RGS6: variants seen among roughly 807,000 people sequenced by gnomAD.
The protein encoded by RGS6 is regulator of G-protein signaling 6.
RGS6 carries 30 observed loss-of-function variants against 78.5 expected under a neutral mutation model. The ratio of observed to expected loss-of-function variants is 0.38; its 90% CI spans 0.29 to 0.52. The LOEUF is 0.52. RGS6 is among the 20% of genes least tolerant of loss of function. The probability of loss-of-function intolerance (pLI) is 0.85; values close to 1 mark genes in which losing one functional copy is unlikely to be tolerated. For synonymous variants in RGS6, 206 were observed against 206.0 expected, an observed-to-expected ratio of 1.00 and a Z score of 0.00; for missense variants, 495 against 609.7, an observed-to-expected ratio of 0.81 and a Z score of 1.98.
In RGS6 at chr14:72,393,200, C is replaced by T. The variant is rs565064361; in HGVS notation, c.184+41006C>T. 9.9e-5 allele frequency among the ~76,000 whole-genome samples: 15 copies of T among 152,258 alleles called. No individual in the cohort carries two copies. The South Asian group carries it at 1.5e-3, about 15-fold the overall frequency. ...CATGAAGATCTGACACATTTTTGTC[C>T]GCACTTTTCTCAGAGTGTTGGGGAA... is the stretch of plus-strand genomic sequence containing the variant. On this transcript the variant is annotated intron_variant, in intron 3 of 17. Transcript: ENST00000553525.
intron 2 of RGS6, among the ~76,000 whole-genome samples, chr14:72,075,872 A>G (rs538781080): frequency 9.9e-4 from 150 of 152,258 alleles, no homozygotes; most frequent in Non-Finnish European, 1.7e-3. Context: ...AAACCTCATC[A>G]GTTGTCTCTA....
chr14:72,548,348 C>CGTGTGTGT (rs59943776), intron 17 of RGS6, among the ~76,000 whole-genome samples: 1 of 129,464 alleles, frequency 7.7e-6, no homozygotes, highest in African/African-American at 3.1e-5. Context: ...TGTGTGCGCG[C>CGTGTGTGT]GTGTGTGTGT....
chr14:71,903,822 G>T, the RGS6 span, among the ~76,000 whole-genome samples: 1 of 152,142 alleles, frequency 6.6e-6, no homozygotes, highest in African/African-American at 2.4e-5. Flanking sequence ...AGAAAAATTA[G>T]GTAAGAAAAG....
chr14:71,914,442 A>AT, the RGS6 span, among the ~76,000 whole-genome samples: 2 of 152,120 alleles, frequency 1.3e-5, no homozygotes, highest in African/African-American at 4.8e-5. Context: ...TTTCCTAGAG[A>AT]TTTTTCATGG....
intron 2 of RGS6, among the ~76,000 whole-genome samples, chr14:72,116,295 T>C (rs976074486): frequency 1.3e-5 from 2 of 152,128 alleles, no homozygotes; most frequent in African/African-American, 2.4e-5. Context: ...GCATCTACCA[T>C]GTGGCAGGTA....
intron 2 of RGS6, among the ~76,000 whole-genome samples, chr14:72,046,035 G>T (rs369824341): frequency 1.3e-5 from 2 of 151,970 alleles, no homozygotes; most frequent in Non-Finnish European, 2.9e-5. Flanking sequence ...AGTCCTCAGA[G>T]GTCTTCTTGA....
intron 13 of RGS6, among the ~76,000 whole-genome samples, chr14:72,504,372 CA>C (rs1324552061): frequency 6.6e-6 from 1 of 152,228 alleles, no homozygotes; most frequent in Non-Finnish European, 1.5e-5. Context: ...GCACCTTCAA[CA>C]CATTGCTTAG....
At chr14:72,432,679 G>A (rs950627132) in intron 3 of RGS6, among the ~76,000 whole-genome samples, 3 of 152,228 alleles carry the variant, frequency 2.0e-5, no homozygotes, top group Non-Finnish European at 4.4e-5. Context: ...CAGAAGAAGG[G>A]TCTTCATCTC....
At chr14:72,432,350 C>T (rs1199348915) in intron 3 of RGS6, among the ~76,000 whole-genome samples, 2 of 152,056 alleles carry the variant, frequency 1.3e-5, no homozygotes, top group African/African-American at 4.8e-5. Context: ...CTACATGATC[C>T]AAAAAAGTGA....
chr14:72,011,527 A>G (rs2153229660), intron 2 of RGS6, among the ~76,000 whole-genome samples: 1 of 152,230 alleles, frequency 6.6e-6, no homozygotes, highest in South Asian at 2.1e-4. Flanking sequence ...TCCAACAAAA[A>G]CCCAGGAGAT....
intron 2 of RGS6, among the ~76,000 whole-genome samples, chr14:72,274,696 G>C (rs750256532): frequency 6.6e-6 from 1 of 152,226 alleles, no homozygotes; most frequent in African/African-American, 2.4e-5. Context: ...CAGAGAAGAA[G>C]TTGTAATGAT....
chr14:72,267,664 T>A (rs927321114), intron 2 of RGS6, among the ~76,000 whole-genome samples: 6 of 152,146 alleles, frequency 3.9e-5, no homozygotes, highest in Non-Finnish European at 7.3e-5. Context: ...GCAACAAATA[T>A]ATTTTTTGCC....
chr14:72,551,716 C>T (rs944183952), intron 17 of RGS6, among the ~76,000 whole-genome samples: 1 of 152,246 alleles, frequency 6.6e-6, no homozygotes, highest in Non-Finnish European at 1.5e-5. Context: ...ACAAAGCCCA[C>T]TGCACAGGGT....
intron 3 of RGS6, among the ~76,000 whole-genome samples, chr14:72,437,167 CAAAAAAAAAAAA>C (rs71109735): frequency 1.3e-5 from 1 of 75,038 alleles, no homozygotes; most frequent in Non-Finnish European, 2.4e-5. Context: ...ACTAAAAATA[CAAAAAAAAAAAA>C]AAAAAAAAAA....
intron 2 of RGS6, among the ~76,000 whole-genome samples, chr14:72,046,765 G>T (rs1437355683): frequency 2.0e-5 from 3 of 152,120 alleles, no homozygotes; most frequent in Non-Finnish European, 4.4e-5. Flanking sequence ...TATAACTTCA[G>T]AATTTTCTAG....
rs75209163 is a variant in RGS6, at chr14:72,508,989, C to T, written c.966-1165C>T. ...TGAAGGAAATACTCTTATCGCCCAA[C>T]ACCAGAAGAATTAGACCAATGCCCA... On this transcript the variant is annotated intron_variant, in intron 13 of 17. Coordinates refer to ENST00000553525, the MANE Select transcript of RGS6 (RefSeq NM_001204424.2). Among the ~76,000 whole-genome samples the T allele has an allele frequency of 1.7e-3, 254 of 152,302 alleles. 5 individuals carry two copies. In the East Asian group the frequency reaches 0.045, roughly 27 times the overall value.
chr14:72,027,803 C>T (rs542772530), intron 2 of RGS6, among the ~76,000 whole-genome samples: 8 of 152,264 alleles, frequency 5.3e-5, no homozygotes, highest in East Asian at 1.9e-4. Flanking sequence ...ATGATTTATC[C>T]GGATCACCTT....
chr14:72,298,975 A>G (rs1430979368), intron 2 of RGS6, among the ~76,000 whole-genome samples: 1 of 151,932 alleles, frequency 6.6e-6, no homozygotes, highest in Non-Finnish European at 1.5e-5. Context: ...GGGCTATTCA[A>G]TTTTTCTATT....
At chr14:71,955,892 A>T (rs79990107) in intron 1 of RGS6, among the ~76,000 whole-genome samples, 2,900 of 152,074 alleles carry the variant, frequency 0.019, 36 homozygotes, top group Non-Finnish European at 0.028. Context: ...TGACAGAAAA[A>T]CTTTCCCCCA....
Sources: gnomAD v4.1 joint callset for allele counts (sites outside exome capture counted in the v4.1 genomes callset) on GRCh38, gnomAD v4.1.1 for gene constraint, MANE v1.5 for transcripts, NCBI Gene and HGNC (gene_info 2026-07-23, HGNC 2026-07-21) for gene names.